Variants in CADPS observed in about 807,000 individuals in gnomAD.
The protein encoded by CADPS is calcium dependent secretion activator.
In CADPS, 57 loss-of-function variants were observed where a neutral mutation model predicts 167.3. That is an observed-to-expected ratio of 0.34 (90% CI 0.28 to 0.42). The LOEUF (loss-of-function observed/expected upper bound fraction) is 0.42. Among genes scored for constraint, CADPS ranks in the 20% least tolerant of loss-of-function variants. The pLI is 1.00. For missense variants in CADPS, 1,414 were observed against 1,738.1 expected, an observed-to-expected ratio of 0.81 and a Z score of 3.32; for synonymous variants, 676 against 635.3, an observed-to-expected ratio of 1.06 and a Z score of -0.96.
intron 28 of CADPS, among the ~76,000 whole-genome samples, chr3:62,410,631 G>T (rs1288102134): frequency 6.6e-6 from 1 of 152,214 alleles, no homozygotes; most frequent in African/African-American, 2.4e-5. Flanking sequence ...GGTAAGTGGA[G>T]ATAATAATAA....
chr3:62,436,617 G>A (rs2055112900), intron 28 of CADPS, among the ~76,000 whole-genome samples: 1 of 152,212 alleles, frequency 6.6e-6, no homozygotes. Context: ...CCGCTGGTGA[G>A]CTTTATGCAT....
At chr3:62,638,972 G>A (rs778952173) in intron 6 of CADPS, among the ~76,000 whole-genome samples, 1 of 152,098 alleles carries the variant, frequency 6.6e-6, no homozygotes, top group Non-Finnish European at 1.5e-5. Flanking sequence ...TCCAAAACTT[G>A]TTCCCTAGCA....
At chr3:62,728,600 T>G (rs2077176688) in intron 3 of CADPS, among the ~76,000 whole-genome samples, 1 of 151,854 alleles carries the variant, frequency 6.6e-6, no homozygotes, top group Non-Finnish European at 1.5e-5. Context: ...TTGGATTCAT[T>G]GTTGTTTCAT....
rs549657069 is a variant in CADPS, at chr3:62,495,291, C to A, written c.2707-1626G>T. 5.3e-5 allele frequency among the ~76,000 whole-genome samples: 8 copies of A among 152,230 alleles called. No homozygotes were observed. The East Asian group carries it at 1.5e-3, about 29-fold the overall frequency. On this transcript the variant is annotated intron_variant, in intron 18 of 29. Transcript: ENST00000383710. ...TTCTTTTCAAAACCTTATAATCAAACCTGACTCTCCAAGAAGAACAAAATG... is the reference window on the plus strand; with the variant it reads ...TTCTTTTCAAAACCTTATAATCAAAACTGACTCTCCAAGAAGAACAAAATG...
intron 1 of CADPS, among the ~76,000 whole-genome samples, chr3:62,846,726 C>T (rs572641795): frequency 3.9e-5 from 6 of 152,140 alleles, no homozygotes; most frequent in East Asian, 1.9e-4. Context: ...TGCAGTGGCA[C>T]GATCTTGGTT....
intron 6 of CADPS, among the ~76,000 whole-genome samples, chr3:62,596,471 T>C (rs1389550855): frequency 1.3e-5 from 2 of 152,126 alleles, no homozygotes; most frequent in African/African-American, 4.8e-5. Context: ...GTGCTAGGAT[T>C]ACAGGCATGA....
At chr3:62,802,874 A>C (rs2093855963) in intron 1 of CADPS, among the ~76,000 whole-genome samples, 1 of 152,182 alleles carries the variant, frequency 6.6e-6, no homozygotes, top group Admixed American at 6.6e-5. Context: ...ATGTTGATCC[A>C]GAGAAAAGAG....
chr3:62,492,991 T>C (rs1288298084), intron 19 of CADPS, among the ~76,000 whole-genome samples: 1 of 152,218 alleles, frequency 6.6e-6, no homozygotes, highest in Non-Finnish European at 1.5e-5. Flanking sequence ...AAACCATTGT[T>C]GCAATTGTCA....
At chr3:62,662,627 A>C (rs2073524308) in intron 3 of CADPS, among the ~76,000 whole-genome samples, 2 of 152,210 alleles carry the variant, frequency 1.3e-5, no homozygotes, top group Admixed American at 1.3e-4. Flanking sequence ...CTTGCAAAAG[A>C]ATCATCAATC....
Position 62,836,026 on chromosome 3 carries a change from G to C in CADPS, c.441+38563C>G, listed in dbSNP as rs190632305. Among the ~76,000 whole-genome samples, 311 of 152,222 alleles carry C rather than the reference G, an allele frequency of 2.0e-3. 2 individuals are homozygous for C. Among genetic ancestry groups the C allele is most frequent in the African/African-American group, 7.3e-3 (302 of 41,548 alleles). On this transcript the variant is annotated intron_variant, in intron 1 of 29. Coordinates refer to ENST00000383710, the MANE Select transcript of CADPS (RefSeq NM_003716.4). ...CCCAAGTGAGATGTATTGATCAAAT[G>C]ACTGAATCACTAGTTTTGTTGAGCA...
At chr3:62,462,896 T>C (rs1433729055) in intron 26 of CADPS, among the ~76,000 whole-genome samples, 1 of 152,184 alleles carries the variant, frequency 6.6e-6, no homozygotes, top group Non-Finnish European at 1.5e-5. Flanking sequence ...CTAAACACAG[T>C]TCACTTTCTC....
intron 1 of CADPS, among the ~76,000 whole-genome samples, chr3:62,790,447 C>T (rs17201977): frequency 0.023 from 3,469 of 152,142 alleles, 61 homozygotes; most frequent in South Asian, 0.061. Flanking sequence ...GTTTCTGAAT[C>T]TAATGTCTCC....
intron 3 of CADPS, among the ~76,000 whole-genome samples, chr3:62,729,669 A>C (rs1013826957): frequency 6.6e-6 from 1 of 151,928 alleles, no homozygotes; most frequent in Non-Finnish European, 1.5e-5. Context: ...TGTCTGATAC[A>C]TAATAAGCAT....
chr3:62,807,966 C>T (rs182595502), intron 1 of CADPS, among the ~76,000 whole-genome samples: 3 of 151,998 alleles, frequency 2.0e-5, no homozygotes, highest in Admixed American at 6.6e-5. Flanking sequence ...CTCCACCTCC[C>T]GGGTTCACGC....
intron 8 of CADPS, among the ~76,000 whole-genome samples, chr3:62,580,830 T>C (rs2083290977): frequency 6.6e-6 from 1 of 152,270 alleles, no homozygotes; most frequent in South Asian, 2.1e-4. Flanking sequence ...AATCAGTTAG[T>C]TTAGTAGTAT....
At chr3:62,706,946 G>GTAATATA in intron 3 of CADPS, among the ~76,000 whole-genome samples, 1 of 152,114 alleles carries the variant, frequency 6.6e-6, no homozygotes, top group South Asian at 2.1e-4. Flanking sequence ...TCCTCACTAT[G>GTAATATA]TAATATATCC....
At chr3:62,621,653 G>A (rs191542183) in intron 6 of CADPS, among the ~76,000 whole-genome samples, 4 of 151,880 alleles carry the variant, frequency 2.6e-5, no homozygotes, top group Non-Finnish European at 5.9e-5. Flanking sequence ...AACATGCTTC[G>A]TGGGGGTTTC....
In CADPS at chr3:62,466,400, G is replaced by T; in HGVS notation, c.3491C>A (p.Ser1164Ter). The T allele has an allele frequency of 6.2e-7, 1 of 1,606,254 alleles. No individual in the cohort carries two copies. Among genetic ancestry groups the T allele is most frequent in the Non-Finnish European group, 8.5e-7 (1 of 1,173,334 alleles). The change falls in exon 25 of 30, where the codon TCA becomes TAA. Residue 1164 changes from serine (S) to a stop codon, truncating the protein, a stop_gained. Coordinates refer to ENST00000383710, the MANE Select transcript of CADPS (RefSeq NM_003716.4). LOFTEE classifies it high-confidence loss of function. ...TTCTTCAATTAGTTCGTCTATTTTT[G>T]AATGGTATTGATGCTAAGAACACAG... Reference protein sequence around the residue: ...MEMGQEHQYHSKIDELIEETV... With the variant: ...MEMGQEHQYH
In CADPS at chr3:62,511,647, A is replaced by G. The variant is rs115750288; in HGVS notation, c.2599+1104T>C. The stretch of plus-strand genomic sequence containing the variant: ...TCCTAGCTCCCCTTTGCTTATTCTA[A>G]TTCATCTCTCAAGATGCAGTTCAAT... On this transcript the variant is annotated intron_variant, in intron 17 of 29. Transcript: ENST00000383710. 5.8e-3 allele frequency among the ~76,000 whole-genome samples: 877 copies of G among 152,148 alleles called. 4 individuals carry two copies. The highest frequency in any genetic ancestry group is 0.019 in the African/African-American group (804 of 41,520).
Sources: allele counts gnomAD v4.1 joint callset (sites outside exome capture counted in the v4.1 genomes callset), GRCh38; gene constraint gnomAD v4.1.1; transcripts MANE v1.5; gene names NCBI Gene and HGNC (gene_info 2026-07-23, HGNC 2026-07-21).